ZNF512: variants seen among roughly 807,000 people sequenced by gnomAD.
The protein encoded by ZNF512 is zinc finger protein 512.
A neutral mutation model predicts 77.5 loss-of-function variants in ZNF512; 25 were observed. The ratio of observed to expected loss-of-function variants is 0.32; its 90% CI spans 0.23 to 0.45. The LOEUF is 0.45. Among genes scored for constraint, ZNF512 ranks in the 20% least tolerant of loss-of-function variants. The pLI, the probability that ZNF512 is intolerant of heterozygous loss-of-function variation, is 1.00. For synonymous variants in ZNF512, 246 were observed against 239.9 expected, an observed-to-expected ratio of 1.03 and a Z score of -0.24; for missense variants, 483 against 692.6, an observed-to-expected ratio of 0.70 and a Z score of 3.40.
At position 27,598,215 on chromosome 2, in the gene ZNF512, A is replaced by T. The variant is rs1262232838; in HGVS notation, c.238A>T (p.Met80Leu). The T allele has an allele frequency of 4.3e-6, 7 of 1,613,912 alleles. No individual in the cohort carries two copies. The highest frequency in any genetic ancestry group is 5.9e-6 in the Non-Finnish European group (7 of 1,179,986). ...SFRKSTYWMK[M>L]RRIKPAATSH... ...CCGAAAATCTACCTACTGGATGAAGATGAGAAGAATCAAGCCAGCTGCTAC... is the reference window on the plus strand; with the variant it reads ...CCGAAAATCTACCTACTGGATGAAGTTGAGAAGAATCAAGCCAGCTGCTAC... Residue 80 changes from methionine to leucine, a missense_variant, in exon 3 of 14, where the codon ATG (methionine) becomes TTG (leucine). Met to Leu is a conservative substitution (Grantham distance 15, BLOSUM62 2). Transcript: ENST00000355467.
intron 11 of ZNF512, among the ~76,000 whole-genome samples, chr2:27,615,821 C>T (rs972818700): frequency 3.3e-5 from 5 of 152,206 alleles, no homozygotes; most frequent in East Asian, 1.9e-4. Flanking sequence ...TTTATTTTTA[C>T]GATTCTAAAA....
chr2:27,583,414 C>T (rs889134560), intron 1 of ZNF512: 1 of 1,439,260 alleles, frequency 6.9e-7, no homozygotes. Context: ...TTTCTTTTGG[C>T]CTCCCTTTTA....
At chr2:27,599,416 G>GAC (rs78378018) in intron 3 of ZNF512, among the ~76,000 whole-genome samples, 167 bp from the exon 4 acceptor site, 31,077 of 152,098 alleles carry the variant, frequency 0.2, 3,376 homozygotes, top group East Asian at 0.35. Context: ...CAGTTAATGA[G>GAC]AAGTTACACC....
chr2:27,621,255 A>C lies in ZNF512; in HGVS notation c.1498A>C (p.Ser500Arg). 6.2e-7 allele frequency: 1 copy of C among 1,614,230 alleles called. No homozygotes were observed. The highest frequency in any genetic ancestry group is 2.2e-5 in the East Asian group (1 of 44,882). ...AGAAAAGCGGAGGCAGCAGCACAGG[A>C]GCAGAAGGTCTCTAAGAAGGCGGCA... ...EEEKRRQQHR[S>R]RRSLRRRQQP... Residue 500 changes from serine to arginine, a missense_variant, in exon 14 of 14, where the codon AGC becomes CGC. Physicochemically the swap from Ser to Arg is moderately radical, Grantham distance 110. Around this residue, in one of 2 missense-constraint regions of ZNF512, gnomAD observed 324 missense variants for 525.0 expected, o/e 0.62. Transcript: ENST00000355467.
chr2:27,596,713 G>A (rs1671887730), intron 2 of ZNF512, among the ~76,000 whole-genome samples: 1 of 152,230 alleles, frequency 6.6e-6, no homozygotes, highest in Non-Finnish European at 1.5e-5. Flanking sequence ...CCCCTCCAGA[G>A]CCAGGACTTC....
At chr2:27,619,821 G>A (rs950789576) in intron 13 of ZNF512, among the ~76,000 whole-genome samples, 2 of 152,070 alleles carry the variant, frequency 1.3e-5, no homozygotes, top group Admixed American at 6.6e-5. Flanking sequence ...TCAGCTGTAA[G>A]TGCTTCTTTC....
intron 2 of ZNF512, among the ~76,000 whole-genome samples, chr2:27,590,394 A>G (rs1012911044): frequency 1.3e-5 from 2 of 152,158 alleles, no homozygotes; most frequent in East Asian, 1.9e-4. Context: ...TGCTGATTGT[A>G]TGATACAATT....
Position 27,608,009 on chromosome 2 carries a change from G to T in ZNF512, c.1101G>T (p.Val367=), listed in dbSNP as rs761576637. 6.3e-7 allele frequency: 1 copy of T among 1,593,304 alleles called. No individual in the cohort carries two copies. The highest frequency in any genetic ancestry group is 1.4e-5 in the African/African-American group (1 of 73,876). The change falls in exon 10 of 14, where the codon GTG becomes GTT. Residue 367 remains valine (V), a synonymous_variant. Transcript: ENST00000355467. ...CCAAGGAATGGCCCAAGAGGAAGGT[G>T]CTTCAGGACCTGGTACCTGATGATC... ...ELAKEWPKRK[V]LQDLVPDDRK... is the part of the protein sequence containing the mutation.
intron 10 of ZNF512, among the ~76,000 whole-genome samples, chr2:27,614,026 A>G (rs1265913014): frequency 6.6e-6 from 1 of 152,190 alleles, no homozygotes; most frequent in Non-Finnish European, 1.5e-5. Flanking sequence ...AATGCTTATA[A>G]ATAAAGCCAC....
chr2:27,601,270 CAT>C (rs1462504983), intron 6 of ZNF512, 84 bp from the exon 7 acceptor site: 52 of 933,614 alleles, frequency 5.6e-5, no homozygotes, highest in Non-Finnish European at 8.1e-5. Flanking sequence ...ATAAAGGAGA[CAT>C]AGATGAAAGC....
intron 2 of ZNF512, among the ~76,000 whole-genome samples, chr2:27,586,541 T>C (rs1671337975): frequency 6.6e-6 from 1 of 152,190 alleles, no homozygotes; most frequent in African/African-American, 2.4e-5. Context: ...ATCAAGTGTT[T>C]CTAGCATTGT....
At chr2:27,600,591 GA>G in intron 5 of ZNF512, 99 bp from the exon 6 acceptor site, 4 of 1,453,162 alleles carry the variant, frequency 2.8e-6, no homozygotes, top group Non-Finnish European at 3.7e-6. Flanking sequence ...CCAGGAAAAG[GA>G]AAAACCATTT....
chr2:27,603,903 T>A (rs116402582), intron 9 of ZNF512, among the ~76,000 whole-genome samples: 2,139 of 149,990 alleles, frequency 0.014, 24 homozygotes, highest in African/African-American at 0.034. Context: ...CAGCCCATTA[T>A]TTAATTAATT....
intron 2 of ZNF512, among the ~76,000 whole-genome samples, chr2:27,586,566 T>G (rs1377408588): frequency 6.6e-6 from 1 of 152,194 alleles, no homozygotes; most frequent in Non-Finnish European, 1.5e-5. Flanking sequence ...GATGGTAGGT[T>G]TTGGCCTTAG....
chr2:27,598,470 A>T (rs1422641736), intron 3 of ZNF512, among the ~76,000 whole-genome samples: 5 of 152,126 alleles, frequency 3.3e-5, no homozygotes, highest in Non-Finnish European at 7.4e-5. Flanking sequence ...TCTACTAAAA[A>T]TACAAAAAAT....
intron 2 of ZNF512, among the ~76,000 whole-genome samples, chr2:27,593,768 A>G (rs867364194): frequency 6.9e-6 from 1 of 144,262 alleles, no homozygotes; most frequent in South Asian, 2.2e-4. Flanking sequence ...CTGCCTTAGT[A>G]TCTTTCTTTC....
rs1240932298 is a variant in ZNF512, at chr2:27,583,416, T to A, written c.31-242T>A. ...ATATCCGTTGTCTTTTCTTTTGGCC[T>A]CCCTTTTAGAGCCTGGGACAGGGCT... On this transcript the variant is annotated intron_variant, in intron 1 of 13. Coordinates refer to ENST00000355467, the MANE Select transcript of ZNF512 (RefSeq NM_032434.4). 5 of 1,439,388 alleles carry A rather than the reference T, an allele frequency of 3.5e-6. No individual in the cohort carries two copies. The highest frequency in any genetic ancestry group is 4.5e-6 in the Non-Finnish European group (5 of 1,101,982). 89.2% of individuals were successfully genotyped at this position (1,439,388 alleles called of 1,614,324 possible). A position where few individuals can be genotyped will look rare whatever the true frequency, so the allele number is the denominator to read the frequency against.
chr2:27,591,012 A>G (rs972537704), intron 2 of ZNF512, among the ~76,000 whole-genome samples: 2 of 152,134 alleles, frequency 1.3e-5, no homozygotes, highest in African/African-American at 2.4e-5. Context: ...TTTTCTCTCA[A>G]AATTTTAAAG....
At chr2:27,609,904 G>A (rs1572928633) in intron 10 of ZNF512, among the ~76,000 whole-genome samples, 1 of 150,780 alleles carries the variant, frequency 6.6e-6, no homozygotes, top group South Asian at 2.1e-4. Context: ...TGGGACACAT[G>A]TGTAGTCCCA....
Sources: allele counts gnomAD v4.1 joint callset (sites outside exome capture counted in the v4.1 genomes callset), GRCh38; gene constraint gnomAD v4.1.1; regional missense constraint gnomAD v4.1.1; transcripts MANE v1.5; gene names NCBI Gene and HGNC (gene_info 2026-07-23, HGNC 2026-07-21).